The following RSF1 variants were observed in gnomAD, a reference collection of about 807,000 sequenced individuals.
RSF1 encodes the protein HBV pX-associated protein 8.
In RSF1, 13 loss-of-function variants were observed where a neutral mutation model predicts 145.2. The ratio of observed to expected loss-of-function variants is 0.09; its 90% confidence interval spans 0.06 to 0.14. RSF1 has a LOEUF of 0.14. Among genes scored for constraint, RSF1 ranks in the 10% least tolerant of loss-of-function variants. The pLI, the probability that RSF1 is intolerant of heterozygous loss-of-function variation, is 1.00. For missense variants in RSF1, 1,517 were observed against 1,718.2 expected (o/e 0.88, Z 2.07); for synonymous variants, 577 against 592.6 (o/e 0.97, Z 0.38).
chr11:77,688,948 C>T (rs1960080126), intron 9 of RSF1, among the ~76,000 whole-genome samples: 1 of 152,178 alleles, frequency 6.6e-6, no homozygotes, highest in Non-Finnish European at 1.5e-5. Flanking sequence ...TAAGGTTCAC[C>T]TTTGCACAAG....
At chr11:77,722,356 T>C (rs1209397787) in intron 5 of RSF1, among the ~76,000 whole-genome samples, 3 of 152,168 alleles carry the variant, frequency 2.0e-5, no homozygotes, top group Non-Finnish European at 2.9e-5. Flanking sequence ...CTTTGGTGTA[T>C]TTGTTTCAGA....
chr11:77,843,216 T>G, the RSF1 span, among the ~76,000 whole-genome samples: 4 of 152,230 alleles, frequency 2.6e-5, no homozygotes, highest in African/African-American at 9.6e-5. Flanking sequence ...TAGAACCATC[T>G]TATTAGGTGT....
chr11:77,804,073 A>AGAG (rs1406764392), intron 1 of RSF1, among the ~76,000 whole-genome samples: 1 of 152,130 alleles, frequency 6.6e-6, no homozygotes, highest in African/African-American at 2.4e-5. Context: ...CTGCCTGAAA[A>AGAG]GAGAAACAAA....
At chr11:77,709,155 GCT>G (rs1408042782) in intron 5 of RSF1, among the ~76,000 whole-genome samples, 3 of 152,214 alleles carry the variant, frequency 2.0e-5, no homozygotes, top group Middle Eastern at 3.4e-3. Context: ...TGCATGGCTT[GCT>G]CTCTCAGATC....
At chr11:77,700,240 A>T (rs564385596) in intron 6 of RSF1, among the ~76,000 whole-genome samples, 1 of 149,114 alleles carries the variant, frequency 6.7e-6, no homozygotes, top group African/African-American at 2.5e-5. Flanking sequence ...AGTCCCAGCT[A>T]CTTGGGAGAC....
rs878942113 is a variant in RSF1 at position 77,665,652 on chromosome 11, T to C, written c.*1265A>G. Reference sequence around the variant, plus strand: ...CATCGGCAGTTCTCATTCAACTCTATGTTGGTTGTATGACTATTAATGAAT... The same window carrying C: ...CATCGGCAGTTCTCATTCAACTCTACGTTGGTTGTATGACTATTAATGAAT... On this transcript the variant is annotated 3_prime_UTR_variant, in exon 16 of 16. Transcript: ENST00000308488. 2 of 152,230 alleles carry C rather than the reference T, an allele frequency of 1.3e-5. No individual in the cohort carries two copies. The highest frequency in any genetic ancestry group is 2.1e-4 in the South Asian group (1 of 4,836). 9.4% of individuals were successfully genotyped at this position (152,230 alleles called of 1,614,324 possible). A position where few individuals can be genotyped will look rare whatever the true frequency, so the allele number is the denominator to read the frequency against.
At chr11:77,806,739 A>ACTCATC (rs1384289843) in intron 1 of RSF1, among the ~76,000 whole-genome samples, 1 of 152,122 alleles carries the variant, frequency 6.6e-6, no homozygotes, top group Non-Finnish European at 1.5e-5. Flanking sequence ...GAGGACCCAG[A>ACTCATC]AGGAAACACC....
intron 15 of RSF1, among the ~76,000 whole-genome samples, chr11:77,670,431 T>C (rs538195789): frequency 5.7e-4 from 87 of 152,308 alleles, no homozygotes; most frequent in African/African-American, 1.9e-3. Context: ...TTATCTGAAA[T>C]TCAACTACTT....
chr11:77,740,624 TCA>T (rs1961486372), intron 4 of RSF1, 105 bp downstream of exon 4: 2 of 979,700 alleles, frequency 2.0e-6, no homozygotes, highest in African/African-American at 1.6e-5. Flanking sequence ...CTCCCAAAAC[TCA>T]CACACAAAAA....
chr11:77,823,214 CAAAA>C (rs746182266), upstream of RSF1, among the ~76,000 whole-genome samples: 59 of 92,726 alleles, frequency 6.4e-4, no homozygotes, highest in Admixed American at 5.3e-3. Context: ...GACTCCGTCT[CAAAA>C]AAAAAAAAAA....
intron 1 of RSF1, among the ~76,000 whole-genome samples, chr11:77,803,024 A>C (rs1262911150): frequency 6.6e-6 from 1 of 152,222 alleles, no homozygotes; most frequent in Non-Finnish European, 1.5e-5. Context: ...GACATTATAT[A>C]CTATGAACAA....
intron 4 of RSF1, chr11:77,734,463 A>G: frequency 2.5e-6 from 4 of 1,579,170 alleles, no homozygotes; most frequent in Non-Finnish European, 3.4e-6. Flanking sequence ...CTACGGGGAA[A>G]TTAGCCGAGG....
At chr11:77,784,587 C>A (rs1305652054) in intron 1 of RSF1, among the ~76,000 whole-genome samples, 4 of 152,036 alleles carry the variant, frequency 2.6e-5, no homozygotes, top group Non-Finnish European at 5.9e-5. Context: ...TCAATGTTAC[C>A]ATGCTGCTAA....
chr11:77,737,667 T>TGTGTGTGTGTGTGTGTGTGTGTG (rs1451249491), intron 4 of RSF1, among the ~76,000 whole-genome samples: 2 of 148,176 alleles, frequency 1.3e-5, no homozygotes, highest in Non-Finnish European at 1.5e-5. Flanking sequence ...TGTGTGTGTG[T>TGTGTGTGTGTGTGTGTGTGTGTG]TTAAAAAGAG....
rs745660658 is a variant in RSF1, at chr11:77,701,311, T to C, written c.1918A>G (p.Lys640Glu). 13 of 1,614,016 alleles carry C rather than the reference T, an allele frequency of 8.1e-6. No homozygotes were observed. Among genetic ancestry groups the C allele is most frequent in the African/African-American group, 1.3e-5 (1 of 74,926 alleles). The change falls in exon 6 of 16, where the codon AAA (lysine) becomes GAA (glutamate). Residue 640 changes from lysine (K) to glutamate (E), a missense_variant. Lys to Glu is a moderately conservative substitution (Grantham distance 56, BLOSUM62 1). This residue lies in a region of RSF1 where 579 missense variants were observed against 553.5 expected (regional missense o/e 1.05). Coordinates refer to ENST00000308488, the MANE Select transcript of RSF1 (RefSeq NM_016578.4). ...ACCACTTCTTTTTCTGAGGCTAGTTTCTCACAGTGGTCAATGATATTAGAT... is the reference window on the plus strand; with the variant it reads ...ACCACTTCTTTTTCTGAGGCTAGTTCCTCACAGTGGTCAATGATATTAGAT... ...PPSNIIDHCEKLASEKEVVEC... is the reference protein window; with the variant it reads ...PPSNIIDHCEELASEKEVVEC...
intron 15 of RSF1, among the ~76,000 whole-genome samples, chr11:77,668,953 T>C (rs1959447133): frequency 6.6e-6 from 1 of 152,122 alleles, no homozygotes; most frequent in African/African-American, 2.4e-5. Context: ...AATTCCAGAC[T>C]AGTGTATCAA....
chr11:77,725,614 T>C lies in RSF1; in HGVS notation c.664A>G (p.Asn222Asp), dbSNP rs771382200. 3 of 1,611,900 alleles carry C rather than the reference T, an allele frequency of 1.9e-6. No individual in the cohort carries two copies. The highest frequency in any genetic ancestry group is 3.3e-5 in the Admixed American group (2 of 59,730). The change falls in exon 5 of 16, where the codon AAC becomes GAC. Residue 222 changes from asparagine to aspartate, a missense_variant. Coordinates refer to ENST00000308488, the MANE Select transcript of RSF1 (RefSeq NM_016578.4). ...VLLKNSSQQD[N>D]SSRESPSLED... ...AAGCTGGGACTTTCCCGAGAAGAGTTGTCTTGTTGGCTAGAGTTTTTCAAT... is the reference window on the plus strand; with the variant it reads ...AAGCTGGGACTTTCCCGAGAAGAGTCGTCTTGTTGGCTAGAGTTTTTCAAT...
intron 1 of RSF1, among the ~76,000 whole-genome samples, chr11:77,803,399 G>A (rs887366514): frequency 1.3e-5 from 2 of 151,410 alleles, no homozygotes; most frequent in Non-Finnish European, 2.9e-5. Context: ...CACCCACCTC[G>A]GCCTCCCAAA....
chr11:77,685,533 C>T (rs574822812), intron 9 of RSF1, among the ~76,000 whole-genome samples: 3 of 152,118 alleles, frequency 2.0e-5, no homozygotes, highest in African/African-American at 7.2e-5. Flanking sequence ...TGGCCTCAAG[C>T]GATCCACCCA....
Sources: gnomAD v4.1 joint callset for allele counts (sites outside exome capture counted in the v4.1 genomes callset) on GRCh38, gnomAD v4.1.1 for gene constraint, gnomAD v4.1.1 regional missense constraint, MANE v1.5 for transcripts, NCBI Gene and HGNC (gene_info 2026-07-23, HGNC 2026-07-21) for gene names.